The following CPA3 variants were observed in gnomAD, a reference collection of about 807,000 sequenced individuals.
CPA3 encodes the protein carboxypeptidase A3.
In CPA3, 52 loss-of-function variants were observed where a neutral mutation model predicts 55.8. The ratio of observed to expected loss-of-function variants is 0.93; its 90% CI spans 0.75 to 1.17. The LOEUF is 1.17. Among genes scored for constraint, CPA3 ranks in the 50% most tolerant of loss-of-function variants. The pLI is 0.00. For synonymous variants in CPA3, 179 were observed against 171.2 expected (o/e 1.05, Z -0.36); for missense variants, 547 against 509.1 (o/e 1.07, Z -0.72).
Position 148,878,443 on chromosome 3 carries a change from T to C in CPA3, c.272T>C (p.Ile91Thr), listed in dbSNP as rs779731268. The C allele has an allele frequency of 1.9e-6, 3 of 1,599,422 alleles. No individual in the cohort carries two copies. Among genetic ancestry groups the C allele is most frequent in the Non-Finnish European group, 1.7e-6 (2 of 1,166,728 alleles). Residue 91 changes from isoleucine (I) to threonine (T), a missense_variant and splice_region_variant, in exon 4 of 11, where the codon ATC becomes ACC. By Grantham distance (89) the Ile-to-Thr change is moderately conservative. Coordinates refer to ENST00000296046, the MANE Select transcript of CPA3 (RefSeq NM_001870.4). ...TTTATCATTCCCCTGTCAAACAGAA[T>C]CTTGATTCATGATCTACAAGAAGAG... ...ALDQNKMHYE[I>T]LIHDLQEEIE...
chr3:148,866,677 C>G (rs886435213), intron 2 of CPA3, among the ~76,000 whole-genome samples: 28 of 152,078 alleles, frequency 1.8e-4, no homozygotes, highest in Non-Finnish European at 5.9e-5. Context: ...TAGCTACTTC[C>G]TAGGGTTGCT....
chr3:148,894,817 C>A (rs557171773), intron 10 of CPA3, among the ~76,000 whole-genome samples: 2 of 151,936 alleles, frequency 1.3e-5, no homozygotes, highest in Non-Finnish European at 2.9e-5. Flanking sequence ...GATGTCTATG[C>A]CAATAATTTA....
At chr3:148,869,173 TC>T (rs1713992163) in intron 3 of CPA3, 134 bp downstream of exon 3, 17 of 1,005,106 alleles carry the variant, frequency 1.7e-5, no homozygotes, top group Non-Finnish European at 2.3e-5. Flanking sequence ...AAGATACAGA[TC>T]ACAGTTACTT....
chr3:148,885,952 T>C, intron 9 of CPA3, 141 bp from the exon 10 acceptor site: 1 of 647,662 alleles, frequency 1.5e-6, no homozygotes, highest in South Asian at 1.9e-5. Flanking sequence ...TTGTTATGAG[T>C]CTTGAAACTA....
intron 10 of CPA3, among the ~76,000 whole-genome samples, chr3:148,890,587 AAAATATT>A (rs1378882307): frequency 6.6e-6 from 1 of 152,240 alleles, no homozygotes; most frequent in Non-Finnish European, 1.5e-5. Context: ...TATTACAGAG[AAAATATT>A]TCAGTGTATG....
rs769541119 is a variant in CPA3 at position 148,896,717 on chromosome 3, C to T, written c.*10C>T. 3.3e-6 allele frequency: 5 copies of T among 1,493,754 alleles called. No individual in the cohort carries two copies. The South Asian group carries it at 5.6e-5, about 17-fold the overall frequency. 92.5% of individuals were successfully genotyped at this position (1,493,754 alleles called of 1,614,324 possible). On this transcript the variant is annotated 3_prime_UTR_variant, in exon 11 of 11. Transcript: ENST00000296046. ...CAAGCATACTTCCTAAAGAACTGCCCTCTGTTTGGAATAAGCCAATTAATC... is the reference window on the plus strand; with the variant it reads ...CAAGCATACTTCCTAAAGAACTGCCTTCTGTTTGGAATAAGCCAATTAATC...
At chr3:148,865,888 C>G (rs902349856) in intron 2 of CPA3, among the ~76,000 whole-genome samples, 1 of 152,184 alleles carries the variant, frequency 6.6e-6, no homozygotes, top group African/African-American at 2.4e-5. Flanking sequence ...CACTCCGACC[C>G]TCATCTCCTC....
chr3:148,882,361 T>G, intron 7 of CPA3, 144 bp from the exon 8 acceptor site: 1 of 561,592 alleles, frequency 1.8e-6, no homozygotes, highest in Admixed American at 3.4e-5. Flanking sequence ...AAACAATATT[T>G]TTTTCTTTTT....
At chr3:148,865,624 C>T (rs1354819029) in intron 2 of CPA3, 76 bp downstream of exon 2, 6 of 1,261,596 alleles carry the variant, frequency 4.8e-6, no homozygotes, top group Non-Finnish European at 6.8e-6. Context: ...ACTGTCAATG[C>T]CCATGGGACT....
rs1203535996 is a variant in CPA3 at position 148,880,332 on chromosome 3, TTTC to T, written c.576+446_576+448del. 2.5e-4 allele frequency among the ~76,000 whole-genome samples: 33 copies of T among 129,432 alleles called. 1 individual carries two copies. The highest frequency in any genetic ancestry group is 1.1e-3 in the African/African-American group (33 of 29,492). The allele number at this position is 129,432 out of a possible 152,430, so 84.9% of individuals were successfully genotyped here. A position where few individuals can be genotyped will look rare whatever the true frequency, so the allele number is the denominator to read the frequency against. ...TTCTGAGTGAAAAATAACTCACTTT[TTTC>T]TTTTTTTTTTTTTTGAGATGGAGTC... On this transcript the variant is annotated intron_variant, in intron 6 of 10. Coordinates refer to ENST00000296046, the MANE Select transcript of CPA3 (RefSeq NM_001870.4).
rs573571931 is a variant in CPA3 at position 148,866,533 on chromosome 3, C to T, written c.144+985C>T. Among the ~76,000 whole-genome samples, 82 of 152,322 alleles carry T rather than the reference C, an allele frequency of 5.4e-4. 2 individuals carry two copies. The South Asian group carries it at 0.016, about 29-fold the overall frequency. On this transcript the variant is annotated intron_variant, in intron 2 of 10. Coordinates refer to ENST00000296046, the MANE Select transcript of CPA3 (RefSeq NM_001870.4). ...GTCATTACTAAGAAGCAGCCTAGTA[C>T]GGAAAAAGCATTTTCTTCAAAGTCA...
chr3:148,878,221 G>A (rs961501307), intron 3 of CPA3, among the ~76,000 whole-genome samples: 1 of 152,174 alleles, frequency 6.6e-6, no homozygotes, highest in African/African-American at 2.4e-5. Context: ...CTTGGGGCTA[G>A]AGACTATCAC....
intron 3 of CPA3, among the ~76,000 whole-genome samples, chr3:148,872,488 C>T (rs1010503458): frequency 1.3e-5 from 2 of 152,046 alleles, no homozygotes; most frequent in Non-Finnish European, 2.9e-5. Flanking sequence ...TAAAATCTTA[C>T]GAGGATCCAT....
intron 10 of CPA3, among the ~76,000 whole-genome samples, chr3:148,891,310 T>C (rs1714659537): frequency 6.6e-6 from 1 of 152,106 alleles, no homozygotes; most frequent in African/African-American, 2.4e-5. Flanking sequence ...AGGCTAAGTA[T>C]CATGTTAAAC....
intron 3 of CPA3, among the ~76,000 whole-genome samples, chr3:148,870,778 AACT>A (rs1308402858): frequency 1.3e-5 from 2 of 152,232 alleles, no homozygotes; most frequent in African/African-American, 2.4e-5. Context: ...TCAAAAATGT[AACT>A]ACAAGACTGC....
intron 2 of CPA3, 86 bp from the exon 3 acceptor site, chr3:148,868,829 A>G: frequency 6.9e-7 from 1 of 1,450,264 alleles, no homozygotes; most frequent in East Asian, 2.3e-5. Context: ...AATTCCTTTC[A>G]TGGTGTATGA....
At chr3:148,891,345 T>C (rs146224680) in intron 10 of CPA3, among the ~76,000 whole-genome samples, 2 of 152,090 alleles carry the variant, frequency 1.3e-5, no homozygotes, top group Non-Finnish European at 2.9e-5. Context: ...CCAGGCACAG[T>C]GATGCACACC....
intron 4 of CPA3, 52 bp downstream of exon 4, chr3:148,878,595 G>C (rs1274908679): frequency 6.4e-7 from 1 of 1,564,428 alleles, no homozygotes; most frequent in Non-Finnish European, 8.8e-7. Context: ...AATATTTATT[G>C]TCATTTTGTT....
At chr3:148,891,059 T>C (rs986962215) in intron 10 of CPA3, among the ~76,000 whole-genome samples, 1 of 152,326 alleles carries the variant, frequency 6.6e-6, no homozygotes, top group Non-Finnish European at 1.5e-5. Context: ...CCACCTGGGC[T>C]TGAATCCTGA....
Sources: allele counts gnomAD v4.1 joint callset (sites outside exome capture counted in the v4.1 genomes callset), GRCh38; gene constraint gnomAD v4.1.1; transcripts MANE v1.5; gene names NCBI Gene and HGNC (gene_info 2026-07-23, HGNC 2026-07-21).